SCAPER: variants seen among roughly 807,000 people sequenced by gnomAD.
SCAPER encodes the protein S phase cyclin A-associated protein in the endoplasmic reticulum.
Under a neutral mutation model 182.2 loss-of-function variants are expected in SCAPER, and 98 were observed. The observed-to-expected ratio is 0.54, with a 90% CI of 0.46 to 0.64. The LOEUF (loss-of-function observed/expected upper bound fraction) is 0.64. Ranked by LOEUF, SCAPER falls within the 30% of genes least tolerant of loss-of-function variation. SCAPER has a pLI of 0.00. For synonymous variants in SCAPER, 605 were observed against 564.6 expected, an observed-to-expected ratio of 1.07 and a Z score of -1.01; for missense variants, 1,432 against 1,690.0, an observed-to-expected ratio of 0.85 and a Z score of 2.68.
chr15:76,842,429 T>C (rs1454898944), intron 4 of SCAPER, among the ~76,000 whole-genome samples: 1 of 152,182 alleles, frequency 6.6e-6, no homozygotes, highest in Admixed American at 6.5e-5. Context: ...TTTTATAAGG[T>C]GATCTTCCTC....
At chr15:76,596,441 G>A (rs1169541439) in intron 22 of SCAPER, among the ~76,000 whole-genome samples, 1 of 119,560 alleles carries the variant, frequency 8.4e-6, no homozygotes, top group East Asian at 2.2e-4. Flanking sequence ...AGAAAAAGAC[G>A]GACTCCTCCC....
At chr15:76,716,442 ACT>A (rs1179603443) in intron 17 of SCAPER, among the ~76,000 whole-genome samples, 1 of 151,988 alleles carries the variant, frequency 6.6e-6, no homozygotes, top group Non-Finnish European at 1.5e-5. Context: ...GAACACAATA[ACT>A]CTCCAGTAAC....
In SCAPER at chr15:76,429,030, T is replaced by C. The variant is rs182887239; in HGVS notation, c.3311+5048A>G. Reference sequence around the variant, plus strand: ...GGCAATCGAATCATGGGTACAGGTCTTTCCCGTGCTGTTCTCATGATAGAG... The same window carrying C: ...GGCAATCGAATCATGGGTACAGGTCCTTCCCGTGCTGTTCTCATGATAGAG... On this transcript the variant is annotated intron_variant, in intron 26 of 31. Coordinates refer to ENST00000563290, the MANE Select transcript of SCAPER (RefSeq NM_020843.4). Among the ~76,000 whole-genome samples the C allele has an allele frequency of 1.8e-3, 277 of 151,710 alleles. 2 individuals are homozygous for C. The highest frequency in any genetic ancestry group is 6.5e-3 in the African/African-American group (270 of 41,334).
chr15:76,349,507 AGGAATGT>A (rs2040395808), intron 31 of SCAPER: 1 of 152,176 alleles, frequency 6.6e-6, no homozygotes, highest in African/African-American at 2.4e-5. Context: ...CCTGGGCAAT[AGGAATGT>A]GGTATTACCA....
At chr15:76,370,020 A>C (rs1481859294) in intron 29 of SCAPER, among the ~76,000 whole-genome samples, 1 of 152,182 alleles carries the variant, frequency 6.6e-6, no homozygotes, top group East Asian at 1.9e-4. Flanking sequence ...AAGTATACTG[A>C]GTTTTTAATG....
intron 22 of SCAPER, among the ~76,000 whole-genome samples, chr15:76,608,481 G>A (rs1409153324): frequency 6.6e-6 from 1 of 152,212 alleles, no homozygotes; most frequent in African/African-American, 2.4e-5. Context: ...CACTTGAGGA[G>A]GCAGTCTGCC....
chr15:76,776,740 A>C (rs2063766492), intron 8 of SCAPER, among the ~76,000 whole-genome samples: 1 of 152,100 alleles, frequency 6.6e-6, no homozygotes, highest in African/African-American at 2.4e-5. Context: ...CCAAGCAGGG[A>C]GCTGAGCTTA....
At chr15:76,899,228 G>T (rs1025726842) in intron 1 of SCAPER, among the ~76,000 whole-genome samples, 16 of 152,164 alleles carry the variant, frequency 1.1e-4, no homozygotes, top group Admixed American at 9.2e-4. Flanking sequence ...GTACTGCCAT[G>T]ATCTCAGCTA....
rs552854535 is a variant in SCAPER at position 76,810,279 on chromosome 15, A to C, written c.394-5646T>G. On this transcript the variant is annotated intron_variant, in intron 5 of 31. Coordinates refer to ENST00000563290, the MANE Select transcript of SCAPER (RefSeq NM_020843.4). ...AAGATAAGAGATAAAAGTATTAAAA[A>C]CAATTATAACTAAATTTAAATTATG... Among the ~76,000 whole-genome samples the C allele has an allele frequency of 1.1e-4, 16 of 152,180 alleles. No individual in the cohort carries two copies. The South Asian group carries it at 3.3e-3, about 32-fold the overall frequency.
intron 25 of SCAPER, 113 bp downstream of exon 25, chr15:76,471,099 T>TTC (rs202036885): frequency 0.013 from 4,602 of 353,060 alleles, no homozygotes; most frequent in Non-Finnish European, 0.016. Context: ...CTTCTTCTTC[T>TTC]TTTTTTTTTT....
chr15:76,472,645 G>A (rs1183849414), intron 24 of SCAPER, among the ~76,000 whole-genome samples: 1 of 152,036 alleles, frequency 6.6e-6, no homozygotes, highest in Non-Finnish European at 1.5e-5. Flanking sequence ...CACCATGCCT[G>A]GCCTTGTTTT....
chr15:76,632,214 G>C (rs557122175), intron 21 of SCAPER, among the ~76,000 whole-genome samples: 7 of 152,222 alleles, frequency 4.6e-5, no homozygotes, highest in African/African-American at 1.7e-4. Context: ...GTTTGAGACA[G>C]AGTCTCACTC....
intron 26 of SCAPER, among the ~76,000 whole-genome samples, chr15:76,409,075 A>G (rs1290907932): frequency 6.6e-6 from 1 of 152,176 alleles, no homozygotes; most frequent in Non-Finnish European, 1.5e-5. Flanking sequence ...ATGTTTTTCT[A>G]AATTGCCTAT....
At chr15:76,415,477 A>C (rs2045583588) in intron 26 of SCAPER, among the ~76,000 whole-genome samples, 2 of 152,200 alleles carry the variant, frequency 1.3e-5, no homozygotes, top group Non-Finnish European at 2.9e-5. Flanking sequence ...CCTGAGGTGG[A>C]AAATGGATAA....
intron 25 of SCAPER, among the ~76,000 whole-genome samples, chr15:76,442,031 A>ATATC (rs746850636): frequency 1.4e-4 from 22 of 152,014 alleles, no homozygotes; most frequent in East Asian, 3.9e-4. Flanking sequence ...CCAGCATTAA[A>ATATC]TATCTATCTA....
chr15:76,896,167 C>G (rs916556817), intron 1 of SCAPER, among the ~76,000 whole-genome samples: 1 of 151,508 alleles, frequency 6.6e-6, no homozygotes, highest in South Asian at 2.1e-4. Flanking sequence ...CCCAGGAGTT[C>G]GAGACCAGCC....
At chr15:76,376,405 ATGGTGGTGG>A in intron 28 of SCAPER, 94 bp from the exon 29 acceptor site, 1 of 1,343,242 alleles carries the variant, frequency 7.4e-7, no homozygotes, top group South Asian at 1.5e-5. Flanking sequence ...ACTTTCTGCC[ATGGTGGTGG>A]AAAAACATGA....
chr15:76,795,733 C>T (rs922306949), intron 7 of SCAPER, among the ~76,000 whole-genome samples: 1 of 151,980 alleles, frequency 6.6e-6, no homozygotes, highest in Non-Finnish European at 1.5e-5. Flanking sequence ...TGCATAGGTA[C>T]CTTAAAGTTT....
At chr15:76,540,978 G>A (rs773591996) in intron 23 of SCAPER, among the ~76,000 whole-genome samples, 61 of 151,890 alleles carry the variant, frequency 4.0e-4, no homozygotes, top group Non-Finnish European at 6.0e-4. Flanking sequence ...AAAATTAGCC[G>A]GGCATGGTGA....
Sources: allele counts gnomAD v4.1 joint callset (sites outside exome capture counted in the v4.1 genomes callset), GRCh38; gene constraint gnomAD v4.1.1; transcripts MANE v1.5; gene names NCBI Gene and HGNC (gene_info 2026-07-23, HGNC 2026-07-21).